TMC1: variants seen among roughly 807,000 people sequenced by gnomAD.
The protein encoded by TMC1 is transmembrane channel like 1, also known as transmembrane channel-like protein 1.
Under a neutral mutation model 105.8 loss-of-function variants are expected in TMC1, and 84 were observed. That is an observed-to-expected ratio of 0.79 (90% confidence interval 0.67 to 0.95). TMC1 has a LOEUF of 0.95. Ranked by LOEUF, TMC1 falls within the 40% of genes least tolerant of loss-of-function variation. The pLI, the probability that TMC1 is intolerant of heterozygous loss-of-function variation, is 0.00. For synonymous variants in TMC1, 315 were observed against 311.5 expected (o/e 1.01, Z -0.12); for missense variants, 817 against 914.1 (o/e 0.89, Z 1.37).
At chr9:72,784,540 C>T (rs1253079402) in intron 13 of TMC1, among the ~76,000 whole-genome samples, 1 of 152,104 alleles carries the variant, frequency 6.6e-6, no homozygotes, top group Non-Finnish European at 1.5e-5. Flanking sequence ...GAAAATTTCT[C>T]AAAGAACTCA....
At chr9:72,753,939 T>C (rs964433966) in intron 11 of TMC1, among the ~76,000 whole-genome samples, 1 of 152,188 alleles carries the variant, frequency 6.6e-6, no homozygotes. Context: ...GCCAAAGGCC[T>C]ACTTTGGGAG....
At chr9:72,564,142 T>C (rs1460087564) in intron 1 of TMC1, among the ~76,000 whole-genome samples, 8 of 152,150 alleles carry the variant, frequency 5.3e-5, no homozygotes, top group Non-Finnish European at 7.3e-5. Context: ...AAATTATATT[T>C]TTACCAATGC....
chr9:72,752,761 A>G (rs747342577), intron 11 of TMC1, among the ~76,000 whole-genome samples: 7 of 152,192 alleles, frequency 4.6e-5, no homozygotes, highest in Non-Finnish European at 1.0e-4. Context: ...TACAGCATTG[A>G]CAGTGGCCAA....
intron 2 of TMC1, among the ~76,000 whole-genome samples, chr9:72,615,811 T>C (rs374851837): frequency 6.6e-6 from 1 of 151,504 alleles, no homozygotes. Context: ...TGGAGTTCAA[T>C]GGCACGATCT....
intron 1 of TMC1, among the ~76,000 whole-genome samples, chr9:72,535,484 T>C (rs910506130): frequency 3.3e-5 from 5 of 152,206 alleles, no homozygotes; most frequent in African/African-American, 1.2e-4. Context: ...GGGGAGGATA[T>C]GTGATTTGTC....
chr9:72,541,490 C>T (rs550216327), intron 1 of TMC1, among the ~76,000 whole-genome samples: 2 of 152,112 alleles, frequency 1.3e-5, no homozygotes, highest in Admixed American at 1.3e-4. Flanking sequence ...GAGTTCGAGA[C>T]CAGCCTGACA....
At chr9:72,678,669 C>T (rs1171154877) in intron 5 of TMC1, among the ~76,000 whole-genome samples, 2 of 151,800 alleles carry the variant, frequency 1.3e-5, no homozygotes, top group Non-Finnish European at 2.9e-5. Flanking sequence ...ATTCTCAATT[C>T]TATTATTATA....
intron 3 of TMC1, among the ~76,000 whole-genome samples, chr9:72,619,320 C>T (rs1825199953): frequency 6.6e-6 from 1 of 152,126 alleles, no homozygotes; most frequent in Admixed American, 6.5e-5. Context: ...ATATTCAAAA[C>T]TAGCAGTGTG....
At chr9:72,634,447 T>A (rs372807944) in intron 4 of TMC1, among the ~76,000 whole-genome samples, 1 of 152,186 alleles carries the variant, frequency 6.6e-6, no homozygotes, top group Non-Finnish European at 1.5e-5. Flanking sequence ...TAGCAGAATT[T>A]AAGTTCTTCT....
At chr9:72,698,674 T>C (rs1826591593) in intron 7 of TMC1, among the ~76,000 whole-genome samples, 1 of 152,124 alleles carries the variant, frequency 6.6e-6, no homozygotes, top group African/African-American at 2.4e-5. Context: ...TGGAAGCAGC[T>C]ACCATCCCAA....
chr9:72,795,402 G>A lies in TMC1; in HGVS notation c.1566+3050G>A, dbSNP rs536257143. On this transcript the variant is annotated intron_variant, in intron 17 of 23. Transcript: ENST00000297784. ...TGTTAAAGACAGCCAGAGAGAAAGG[G>A]CAGGTCACCTACAGAGAGAACACCA... Among the ~76,000 whole-genome samples the A allele has an allele frequency of 2.6e-5, 4 of 152,144 alleles. No individual in the cohort carries two copies. In the East Asian group the frequency reaches 5.8e-4, roughly 22 times the overall value.
intron 12 of TMC1, among the ~76,000 whole-genome samples, chr9:72,760,082 A>G (rs977039972): frequency 5.9e-5 from 9 of 152,028 alleles, no homozygotes; most frequent in Admixed American, 6.6e-5. Flanking sequence ...TTCTTTTTGT[A>G]TCATTTAAAT....
chr9:72,699,956 C>CAAAAA (rs61062887), intron 7 of TMC1, among the ~76,000 whole-genome samples: 14 of 46,570 alleles, frequency 3.0e-4, no homozygotes, highest in African/African-American at 8.9e-4. Flanking sequence ...GACTCTGTCT[C>CAAAAA]AAAAAAAAAA....
chr9:72,635,050 A>C (rs945153835), intron 4 of TMC1, among the ~76,000 whole-genome samples: 2 of 152,148 alleles, frequency 1.3e-5, no homozygotes, highest in Non-Finnish European at 2.9e-5. Flanking sequence ...TGAGGTCAGC[A>C]GTTTAAGACC....
At chr9:72,623,131 TTC>T (rs10583996) in intron 3 of TMC1, among the ~76,000 whole-genome samples, 29,240 of 136,356 alleles carry the variant, frequency 0.21, 3,842 homozygotes, top group East Asian at 0.35. Context: ...TTTATTTGTC[TTC>T]TCTCTCTCTC....
At chr9:72,745,570 G>A (rs1315790331) in intron 10 of TMC1, among the ~76,000 whole-genome samples, 3 of 152,042 alleles carry the variant, frequency 2.0e-5, no homozygotes, top group Non-Finnish European at 2.9e-5. Context: ...GATGCTTAAT[G>A]TACTGATTTT....
At chr9:72,828,109 C>T (rs1004120223) in intron 21 of TMC1, among the ~76,000 whole-genome samples, 1 of 152,162 alleles carries the variant, frequency 6.6e-6, no homozygotes, top group African/African-American at 2.4e-5. Context: ...GTGCTCACTT[C>T]TTTATACTGC....
intron 1 of TMC1, among the ~76,000 whole-genome samples, chr9:72,556,785 C>T (rs1489915028): frequency 6.6e-6 from 1 of 152,016 alleles, no homozygotes; most frequent in Non-Finnish European, 1.5e-5. Flanking sequence ...CCCGCCACTG[C>T]ACTCTAGCCT....
chr9:72,721,396 A>G (rs1169808441), intron 8 of TMC1, among the ~76,000 whole-genome samples: 1 of 152,108 alleles, frequency 6.6e-6, no homozygotes, highest in South Asian at 2.1e-4. Context: ...TCACTTCTCT[A>G]CAATGTATTG....
Sources: gnomAD v4.1 joint callset for allele counts (sites outside exome capture counted in the v4.1 genomes callset) on GRCh38, gnomAD v4.1.1 for gene constraint, MANE v1.5 for transcripts, NCBI Gene and HGNC (gene_info 2026-07-23, HGNC 2026-07-21) for gene names.